PIK3CB: variants seen among roughly 807,000 people sequenced by gnomAD.
PIK3CB encodes the protein phosphatidylinositol-4,5-bisphosphate 3-kinase catalytic subunit beta, also known as phosphatidylinositol 4,5-bisphosphate 3-kinase catalytic subunit beta isoform.
Under a neutral mutation model 136.8 loss-of-function variants are expected in PIK3CB, and 39 were observed. The ratio of observed to expected loss-of-function variants is 0.29; its 90% CI spans 0.22 to 0.37. The LOEUF is 0.37. Among genes scored for constraint, PIK3CB ranks in the 10% least tolerant of loss-of-function variants. The pLI is 1.00. For synonymous variants in PIK3CB, 428 were observed against 436.6 expected (o/e 0.98, Z 0.25); for missense variants, 868 against 1,275.4 (o/e 0.68, Z 4.87).
rs2043167059 is a variant in PIK3CB, at chr3:138,654,937, A to C, written c.*452T>G. On this transcript the variant is annotated 3_prime_UTR_variant, in exon 24 of 24. Coordinates refer to ENST00000674063, the MANE Select transcript of PIK3CB (RefSeq NM_006219.3). ...AATTTGCAGTTTACACAATTTTAAA[A>C]GGGAAGAAAGATGCCTTTCTTTTTA... is the stretch of plus-strand genomic sequence containing the variant. 1 of 216,700 alleles carries C rather than the reference A, an allele frequency of 4.6e-6. No individual in the cohort carries two copies. The highest frequency in any genetic ancestry group is 9.3e-6 in the Non-Finnish European group (1 of 107,844). 13.4% of individuals were successfully genotyped at this position (216,700 alleles called of 1,614,324 possible). A position where few individuals can be genotyped will look rare whatever the true frequency, so the allele number is the denominator to read the frequency against.
chr3:138,758,893 G>A (rs976332810), intron 3 of PIK3CB, among the ~76,000 whole-genome samples: 2 of 152,140 alleles, frequency 1.3e-5, no homozygotes, highest in Non-Finnish European at 2.9e-5. Context: ...GAAGAAAAAG[G>A]AGAGAAGAGA....
At chr3:138,781,019 T>G (rs1036578324) in intron 2 of PIK3CB, among the ~76,000 whole-genome samples, 8 of 152,142 alleles carry the variant, frequency 5.3e-5, no homozygotes, top group Non-Finnish European at 1.0e-4. Context: ...ATGAAACTTC[T>G]GGGCTCGTGC....
intron 1 of PIK3CB, among the ~76,000 whole-genome samples, chr3:138,801,031 T>A (rs571584167): frequency 3.3e-5 from 5 of 152,314 alleles, no homozygotes; most frequent in African/African-American, 1.2e-4. Flanking sequence ...AAAACCCCCA[T>A]GTCCTCTTTC....
intron 1 of PIK3CB, among the ~76,000 whole-genome samples, chr3:138,799,453 C>T (rs1209368168): frequency 6.6e-6 from 1 of 151,652 alleles, no homozygotes; most frequent in Non-Finnish European, 1.5e-5. Flanking sequence ...TCAAATCTTA[C>T]CTCTCTACAA....
At chr3:138,798,794 AC>A (rs1033119216) in intron 1 of PIK3CB, among the ~76,000 whole-genome samples, 1 of 152,072 alleles carries the variant, frequency 6.6e-6, no homozygotes, top group Non-Finnish European at 1.5e-5. Flanking sequence ...TGCCCACCTC[AC>A]TGAAGTCATC....
chr3:138,722,456 A>G (rs1246625196), intron 8 of PIK3CB, among the ~76,000 whole-genome samples: 1 of 152,260 alleles, frequency 6.6e-6, no homozygotes, highest in African/African-American at 2.4e-5. Flanking sequence ...ATTTAAATAT[A>G]GTTTATGCAG....
intron 4 of PIK3CB, among the ~76,000 whole-genome samples, chr3:138,745,547 C>T (rs1445556075): frequency 6.6e-6 from 1 of 151,976 alleles, no homozygotes; most frequent in Non-Finnish European, 1.5e-5. Flanking sequence ...GCAGGAGAAT[C>T]GCTTGAACCC....
intron 2 of PIK3CB, chr3:138,777,963 T>G: frequency 2.6e-6 from 1 of 380,090 alleles, no homozygotes; most frequent in Admixed American, 3.0e-5. Flanking sequence ...GTCTATATGT[T>G]CCATGATGAT....
intron 19 of PIK3CB, among the ~76,000 whole-genome samples, chr3:138,668,789 G>GC (rs1427751920): frequency 1.3e-5 from 2 of 152,080 alleles, no homozygotes; most frequent in African/African-American, 4.8e-5. Flanking sequence ...CATCACTGTA[G>GC]CAACACACAT....
chr3:138,826,180 A>G (rs1196036318), intron 1 of PIK3CB: 4 of 1,166,040 alleles, frequency 3.4e-6, no homozygotes, highest in Non-Finnish European at 5.0e-6. Flanking sequence ...ATGTATGTTG[A>G]GAGCTTCTAG....
chr3:138,739,521 T>C (rs1358043198), intron 5 of PIK3CB, among the ~76,000 whole-genome samples: 5 of 151,276 alleles, frequency 3.3e-5, no homozygotes, highest in African/African-American at 1.2e-4. Flanking sequence ...TGTAAGGACA[T>C]AGCAAGAAGA....
chr3:138,784,151 G>T (rs1431995258), intron 2 of PIK3CB, among the ~76,000 whole-genome samples: 1 of 152,160 alleles, frequency 6.6e-6, no homozygotes. Context: ...CAACACTTTG[G>T]AAGACAAGTG....
Position 138,822,344 on chromosome 3 carries a change from G to A in PIK3CB, c.-122+12351C>T, listed in dbSNP as rs575028125. Among the ~76,000 whole-genome samples the A allele has an allele frequency of 9.2e-5, 14 of 152,154 alleles. No individual in the cohort carries two copies. The East Asian group carries it at 1.5e-3, about 17-fold the overall frequency. On this transcript the variant is annotated intron_variant, in intron 1 of 23. Coordinates refer to ENST00000674063, the MANE Select transcript of PIK3CB (RefSeq NM_006219.3). ...GTCAGGAAGGGCAGATCAGGAGTTC[G>A]AGACCAGCCTGGCCAATACGGTGAA...
At chr3:138,737,339 G>C (rs1216160603) in intron 6 of PIK3CB, among the ~76,000 whole-genome samples, 1 of 125,528 alleles carries the variant, frequency 8.0e-6, no homozygotes, top group East Asian at 2.6e-4. Context: ...GTTGCAGTGA[G>C]CCAAGACTGC....
chr3:138,787,830 C>A (rs988044794), intron 2 of PIK3CB, among the ~76,000 whole-genome samples: 5 of 151,724 alleles, frequency 3.3e-5, no homozygotes, highest in African/African-American at 1.2e-4. Flanking sequence ...GGACACGGTC[C>A]CTGAAGCTTA....
intron 13 of PIK3CB, among the ~76,000 whole-genome samples, chr3:138,696,873 A>G (rs188650233): frequency 6.6e-6 from 1 of 152,286 alleles, no homozygotes; most frequent in Non-Finnish European, 1.5e-5. Context: ...AACTCCTCAT[A>G]TCTCCAGTTA....
intron 14 of PIK3CB, 133 bp from the exon 15 acceptor site, chr3:138,691,276 C>T: frequency 1.4e-6 from 1 of 735,438 alleles, no homozygotes; most frequent in Non-Finnish European, 2.2e-6. Context: ...ACATGCTTTC[C>T]TTCACTGTAC....
At chr3:138,772,959 T>G (rs565548421) in intron 2 of PIK3CB, among the ~76,000 whole-genome samples, 2 of 152,002 alleles carry the variant, frequency 1.3e-5, no homozygotes, top group South Asian at 4.2e-4. Context: ...CTACTTTTTT[T>G]GTATTTTTAG....
chr3:138,736,589 A>C (rs567428730), intron 6 of PIK3CB, among the ~76,000 whole-genome samples: 44 of 152,326 alleles, frequency 2.9e-4, no homozygotes, highest in Non-Finnish European at 2.8e-4. Flanking sequence ...AGTTACTTGA[A>C]GGCAAAGCCA....
Sources: gnomAD v4.1 joint callset for allele counts (sites outside exome capture counted in the v4.1 genomes callset) on GRCh38, gnomAD v4.1.1 for gene constraint, MANE v1.5 for transcripts, NCBI Gene and HGNC (gene_info 2026-07-23, HGNC 2026-07-21) for gene names.